The following SCMH1 variants were observed in gnomAD, a reference collection of about 807,000 sequenced individuals.
The protein encoded by SCMH1 is Scm polycomb group protein homolog 1.
SCMH1 carries 37 observed loss-of-function variants against 70.8 expected under a neutral mutation model. That is an observed-to-expected ratio of 0.52 (90% CI 0.40 to 0.69). The LOEUF is 0.69. Ranked by LOEUF, SCMH1 falls within the 30% of genes least tolerant of loss-of-function variation. The pLI, the probability that SCMH1 is intolerant of heterozygous loss-of-function variation, is 0.00. For missense variants in SCMH1, 607 were observed against 827.3 expected, an observed-to-expected ratio of 0.73 and a Z score of 3.27; for synonymous variants, 292 against 307.4, an observed-to-expected ratio of 0.95 and a Z score of 0.52.
intron 1 of SCMH1, among the ~76,000 whole-genome samples, chr1:41,212,728 C>G (rs1657289063): frequency 6.6e-6 from 1 of 152,208 alleles, no homozygotes; most frequent in Non-Finnish European, 1.5e-5. Context: ...GATTTTAAGA[C>G]CATGCTGGCA....
intron 13 of SCMH1, among the ~76,000 whole-genome samples, 174 bp downstream of exon 14, chr1:41,033,808 AT>A (rs1455728036): frequency 6.6e-6 from 1 of 152,174 alleles, no homozygotes; most frequent in Non-Finnish European, 1.5e-5. Context: ...CTGTAAAGAG[AT>A]TTATACAATG....
At chr1:41,171,918 G>A (rs1646806225) in intron 2 of SCMH1, among the ~76,000 whole-genome samples, 1 of 152,116 alleles carries the variant, frequency 6.6e-6, no homozygotes, top group Admixed American at 6.5e-5. Context: ...ATGGCTGGGC[G>A]CGGTGGCTCA....
chr1:41,114,350 G>A (rs1401726112), intron 7 of SCMH1, among the ~76,000 whole-genome samples: 1 of 152,136 alleles, frequency 6.6e-6, no homozygotes, highest in East Asian at 1.9e-4. Context: ...AAAATGTGTT[G>A]TACATTCTAT....
intron 9 of SCMH1, among the ~76,000 whole-genome samples, chr1:41,071,318 ATTTG>A (rs1338592835): frequency 1.6e-4 from 25 of 152,146 alleles, no homozygotes; most frequent in African/African-American, 5.8e-4. Flanking sequence ...TATTTTACAA[ATTTG>A]TTTATCTAGG....
At chr1:41,103,483 A>C (rs377068034) in intron 8 of SCMH1, among the ~76,000 whole-genome samples, 1 of 152,142 alleles carries the variant, frequency 6.6e-6, no homozygotes, top group East Asian at 1.9e-4. Flanking sequence ...ACTGGTTTTC[A>C]GTAAGATTTT....
At chr1:41,055,539 T>G (rs1462486676) in intron 10 of SCMH1, among the ~76,000 whole-genome samples, 2 of 152,044 alleles carry the variant, frequency 1.3e-5, no homozygotes, top group Admixed American at 1.3e-4. Context: ...TTAGTAGAGA[T>G]AGGGTTTCAC....
chr1:41,232,847 T>C (rs1287939403), intron 1 of SCMH1, among the ~76,000 whole-genome samples: 3 of 152,218 alleles, frequency 2.0e-5, no homozygotes, highest in Admixed American at 2.0e-4. Flanking sequence ...ATGCTGATTG[T>C]TACTTTCACA....
At chr1:41,171,199 C>T (rs1373260767) in intron 2 of SCMH1, among the ~76,000 whole-genome samples, 1 of 152,208 alleles carries the variant, frequency 6.6e-6, no homozygotes, top group Middle Eastern at 3.2e-3. Flanking sequence ...GGTGATCAGC[C>T]AGCTACCCAG....
chr1:41,225,930 T>C (rs1189059232), intron 1 of SCMH1, among the ~76,000 whole-genome samples: 1 of 152,112 alleles, frequency 6.6e-6, no homozygotes, highest in Admixed American at 6.5e-5. Flanking sequence ...ATAACAATAA[T>C]AAAGACACAG....
intron 8 of SCMH1, among the ~76,000 whole-genome samples, chr1:41,082,749 A>T (rs1660413096): frequency 6.6e-6 from 1 of 152,232 alleles, no homozygotes; most frequent in South Asian, 2.1e-4. Context: ...AACCGAATCC[A>T]GCAGCACATC....
chr1:41,136,861 T>C (rs1643432345), intron 6 of SCMH1, among the ~76,000 whole-genome samples: 1 of 144,444 alleles, frequency 6.9e-6, no homozygotes, highest in African/African-American at 2.6e-5. Context: ...CACTGTAACC[T>C]CAAACTCCTG....
At chr1:41,169,530 C>T (rs1049007224) in intron 2 of SCMH1, among the ~76,000 whole-genome samples, 4 of 152,140 alleles carry the variant, frequency 2.6e-5, no homozygotes, top group Admixed American at 2.0e-4. Context: ...CCCTTGGCTC[C>T]CAGAGCTAAG....
intron 4 of SCMH1, among the ~76,000 whole-genome samples, chr1:41,155,846 G>A (rs374184055): frequency 6.6e-5 from 10 of 151,994 alleles, no homozygotes; most frequent in South Asian, 4.2e-4. Flanking sequence ...TTAGCTGGGC[G>A]TGGTGGCAGG....
At chr1:41,154,465 GTATA>G (rs974756046) in intron 4 of SCMH1, among the ~76,000 whole-genome samples, 7 of 152,160 alleles carry the variant, frequency 4.6e-5, no homozygotes, top group African/African-American at 1.7e-4. Flanking sequence ...TTACAAGATT[GTATA>G]TAGATTCTTC....
intron 2 of SCMH1, among the ~76,000 whole-genome samples, chr1:41,183,378 A>G (rs1649343746): frequency 6.6e-6 from 1 of 152,260 alleles, no homozygotes; most frequent in Non-Finnish European, 1.5e-5. Context: ...CCTAAACTGT[A>G]TCCAAACATA....
At chr1:41,099,994 C>A (rs1394062445) in intron 8 of SCMH1, among the ~76,000 whole-genome samples, 9 of 152,058 alleles carry the variant, frequency 5.9e-5, no homozygotes, top group African/African-American at 1.9e-4. Context: ...TATGGTCTAG[C>A]CTGGTGACCT....
chr1:41,120,314 T>C (rs1272246875), intron 6 of SCMH1, among the ~76,000 whole-genome samples: 3 of 152,210 alleles, frequency 2.0e-5, no homozygotes, highest in African/African-American at 7.2e-5. Context: ...ATTGAATGCT[T>C]ACCATGTATT....
At chr1:41,188,077 T>C (rs763442421) in intron 1 of SCMH1, among the ~76,000 whole-genome samples, 24 of 152,198 alleles carry the variant, frequency 1.6e-4, no homozygotes, top group Admixed American at 7.2e-4. Flanking sequence ...TTCCAAAAGA[T>C]AGTAATGGCA....
chr1:41,188,600 C>T (rs1650872822), intron 1 of SCMH1, among the ~76,000 whole-genome samples: 1 of 151,986 alleles, frequency 6.6e-6, no homozygotes, highest in Non-Finnish European at 1.5e-5. Context: ...GTAATGACTC[C>T]GTATTTCTGG....
Sources: allele counts gnomAD v4.1 joint callset (sites outside exome capture counted in the v4.1 genomes callset), GRCh38; gene constraint gnomAD v4.1.1; transcripts MANE v1.5; gene names NCBI Gene and HGNC (gene_info 2026-07-23, HGNC 2026-07-21).